Variants in RASAL2 observed in about 807,000 individuals in gnomAD.
RASAL2 encodes the protein RAS protein activator like 2, also known as ras GTPase-activating protein nGAP.
In RASAL2, 58 loss-of-function variants were observed where a neutral mutation model predicts 128.9. The ratio of observed to expected loss-of-function variants is 0.45; its 90% confidence interval spans 0.36 to 0.56. The LOEUF (loss-of-function observed/expected upper bound fraction) is 0.56, where lower values mean the gene tolerates loss of function less well. Among genes scored for constraint, RASAL2 ranks in the 20% least tolerant of loss-of-function variants. The probability of loss-of-function intolerance (pLI) is 0.00; values close to 1 mark genes in which losing one functional copy is unlikely to be tolerated. For synonymous variants in RASAL2, 561 were observed against 580.8 expected (o/e 0.97, Z 0.49); for missense variants, 1,360 against 1,601.6 (o/e 0.85, Z 2.57).
At chr1:178,354,518 AT>A (rs1417071400) in intron 3 of RASAL2, among the ~76,000 whole-genome samples, 2 of 152,222 alleles carry the variant, frequency 1.3e-5, no homozygotes, top group African/African-American at 2.4e-5. Flanking sequence ...TAAGGTCTCA[AT>A]CAATACAAGA....
intron 12 of RASAL2, among the ~76,000 whole-genome samples, chr1:178,456,276 C>T (rs1402345908): frequency 6.6e-6 from 1 of 152,136 alleles, no homozygotes; most frequent in Non-Finnish European, 1.5e-5. Context: ...GATCCCTTTT[C>T]TTTGAAAGTT....
At chr1:178,119,594 T>C (rs1010390435) in intron 1 of RASAL2, among the ~76,000 whole-genome samples, 1 of 152,190 alleles carries the variant, frequency 6.6e-6, no homozygotes, top group African/African-American at 2.4e-5. Flanking sequence ...CAACACAAAA[T>C]GATCAGTTCA....
intron 3 of RASAL2, among the ~76,000 whole-genome samples, chr1:178,347,978 C>T (rs1158822876): frequency 6.6e-6 from 1 of 152,190 alleles, no homozygotes; most frequent in Admixed American, 6.5e-5. Flanking sequence ...TGAAAAAGAA[C>T]AAACCACTGC....
At chr1:178,452,273 G>T (rs1677429130) in intron 10 of RASAL2, 143 bp from the exon 11 acceptor site, 1 of 725,542 alleles carries the variant, frequency 1.4e-6, no homozygotes. Context: ...CATGAATCAG[G>T]TAAAACCTCA....
chr1:178,258,227 G>A (rs894391618), intron 1 of RASAL2, among the ~76,000 whole-genome samples: 5 of 148,112 alleles, frequency 3.4e-5, no homozygotes, highest in African/African-American at 7.5e-5. Flanking sequence ...CCGGGAGGTG[G>A]AGTTTGCAGT....
chr1:178,357,544 A>C (rs1670876503), intron 3 of RASAL2, among the ~76,000 whole-genome samples: 1 of 151,806 alleles, frequency 6.6e-6, no homozygotes, highest in Non-Finnish European at 1.5e-5. Flanking sequence ...TTTCCTTTCA[A>C]AAGGTATTTG....
At chr1:178,355,066 G>A (rs1316810822) in intron 3 of RASAL2, among the ~76,000 whole-genome samples, 1 of 152,184 alleles carries the variant, frequency 6.6e-6, no homozygotes, top group African/African-American at 2.4e-5. Context: ...CTAGATTGCA[G>A]CGAGCTGTGA....
At chr1:178,199,553 T>G (rs1336668370) in intron 1 of RASAL2, among the ~76,000 whole-genome samples, 1 of 152,238 alleles carries the variant, frequency 6.6e-6, no homozygotes, top group Non-Finnish European at 1.5e-5. Context: ...TCATTATCAG[T>G]AGATTGGTTA....
chr1:178,127,369 T>C (rs1659938437), intron 1 of RASAL2, among the ~76,000 whole-genome samples: 1 of 152,164 alleles, frequency 6.6e-6, no homozygotes, highest in South Asian at 2.1e-4. Context: ...AATAGAAGCG[T>C]TTAAAGGCAC....
At chr1:178,394,397 G>A (rs761017276) in intron 4 of RASAL2, among the ~76,000 whole-genome samples, 1 of 152,146 alleles carries the variant, frequency 6.6e-6, no homozygotes, top group Non-Finnish European at 1.5e-5. Context: ...AATTCAGAAA[G>A]AGAAAATGAT....
rs1197759822 is a variant in RASAL2, at chr1:178,360,615, T to TG, written c.458-29485_458-29484insG. Among the ~76,000 whole-genome samples, 5 of 152,354 alleles carry TG rather than the reference T, an allele frequency of 3.3e-5. No individual in the cohort carries two copies. The East Asian group carries it at 7.7e-4, about 23-fold the overall frequency. ...TCCAGTCAGCAAGGTTACAGGCTGC[T>TG]CCACTGCAGCACCTTGTTCAGGGTT... On this transcript the variant is annotated intron_variant, in intron 3 of 17. Transcript: ENST00000367649.
intron 13 of RASAL2, 96 bp from the exon 14 acceptor site, chr1:178,457,584 CATA>C (rs1433353414): frequency 2.4e-6 from 3 of 1,251,528 alleles, no homozygotes; most frequent in Non-Finnish European, 3.4e-6. Flanking sequence ...TACGTATCCA[CATA>C]AGAACCTTCG....
At chr1:178,188,241 A>T (rs1253565887) in intron 1 of RASAL2, among the ~76,000 whole-genome samples, 1 of 152,140 alleles carries the variant, frequency 6.6e-6, no homozygotes, top group Non-Finnish European at 1.5e-5. Flanking sequence ...TCTACCCTGA[A>T]AATTCTACCA....
intron 1 of RASAL2, among the ~76,000 whole-genome samples, chr1:178,270,692 T>C (rs769977986): frequency 5.9e-5 from 9 of 152,066 alleles, no homozygotes; most frequent in Admixed American, 2.0e-4. Flanking sequence ...GTAATTCTTG[T>C]TGGTCTGCTT....
At chr1:178,386,388 G>A (rs1355182778) in intron 3 of RASAL2, among the ~76,000 whole-genome samples, 1 of 152,196 alleles carries the variant, frequency 6.6e-6, no homozygotes, top group Non-Finnish European at 1.5e-5. Context: ...GACCAGGACA[G>A]AAAAGGTGAA....
At chr1:178,217,655 AT>A (rs1459413429) in intron 1 of RASAL2, among the ~76,000 whole-genome samples, 1 of 152,192 alleles carries the variant, frequency 6.6e-6, no homozygotes, top group African/African-American at 2.4e-5. Flanking sequence ...ACATACCTGA[AT>A]TTAAAATTTT....
At chr1:178,319,539 T>G (rs1366575281) in intron 3 of RASAL2, among the ~76,000 whole-genome samples, 1 of 149,732 alleles carries the variant, frequency 6.7e-6, no homozygotes, top group South Asian at 2.1e-4. Context: ...TTCATTTCAT[T>G]CATTTCATCT....
At chr1:178,368,184 A>G (rs546212727) in intron 3 of RASAL2, among the ~76,000 whole-genome samples, 2 of 152,374 alleles carry the variant, frequency 1.3e-5, no homozygotes, top group Non-Finnish European at 2.9e-5. Context: ...ATAGAGAATC[A>G]TGACCAAGCC....
At chr1:178,332,240 C>T (rs996908253) in intron 3 of RASAL2, among the ~76,000 whole-genome samples, 2 of 152,072 alleles carry the variant, frequency 1.3e-5, no homozygotes, top group African/African-American at 4.8e-5. Flanking sequence ...GTGACTCACG[C>T]CTGTAATCCT....
Sources: allele counts gnomAD v4.1 joint callset (sites outside exome capture counted in the v4.1 genomes callset), GRCh38; gene constraint gnomAD v4.1.1; transcripts MANE v1.5; gene names NCBI Gene and HGNC (gene_info 2026-07-23, HGNC 2026-07-21).